CACNA1H: variants seen among roughly 807,000 people sequenced by gnomAD.
CACNA1H encodes calcium voltage-gated channel subunit alpha1 H, also known as voltage-dependent T-type calcium channel subunit alpha-1H.
CACNA1H carries 149 observed loss-of-function variants against 192.5 expected under a neutral mutation model. That is an observed-to-expected ratio of 0.77 (90% CI 0.68 to 0.89). The LOEUF is 0.89. Among genes scored for constraint, CACNA1H ranks in the 40% least tolerant of loss-of-function variants. The probability of loss-of-function intolerance (pLI) is 0.00; values close to 1 mark genes in which losing one functional copy is unlikely to be tolerated. For synonymous variants in CACNA1H, 2,202 were observed against 1,475.2 expected (o/e 1.49, Z -11.29); for missense variants, 4,257 against 3,423.5 (o/e 1.24, Z -6.08).
In CACNA1H at chr16:1,161,442, A is replaced by T. The variant is rs564741810; in HGVS notation, c.299+7406A>T. On this transcript the variant is annotated intron_variant, in intron 2 of 34. Coordinates refer to ENST00000348261, the MANE Select transcript of CACNA1H (RefSeq NM_021098.3). The stretch of plus-strand genomic sequence containing the variant: ...CTCTGGGCCCCTCACTGGCCTGAGG[A>T]CTGAGGTGGGGATACCTTGAGGCCT... Among the ~76,000 whole-genome samples the T allele has an allele frequency of 1.4e-4, 21 of 152,190 alleles. No homozygotes were observed. The South Asian group carries it at 4.4e-3, about 32-fold the overall frequency.
chr16:1,204,803 G>A (rs1366814087), intron 10 of CACNA1H, among the ~76,000 whole-genome samples: 15 of 145,446 alleles, frequency 1.0e-4, no homozygotes, highest in Non-Finnish European at 2.1e-4. Context: ...GATCAGTGCC[G>A]GGGAGGGGTG....
At chr16:1,196,488 G>A (rs938493150) in intron 5 of CACNA1H, among the ~76,000 whole-genome samples, 1 of 152,142 alleles carries the variant, frequency 6.6e-6, no homozygotes, top group African/African-American at 2.4e-5. Flanking sequence ...CCTGACACCT[G>A]TCCTGAGGAC....
intron 30 of CACNA1H, among the ~76,000 whole-genome samples, chr16:1,215,914 G>A (rs1219257962): frequency 6.6e-6 from 1 of 152,148 alleles, no homozygotes; most frequent in East Asian, 1.9e-4. Context: ...GTGTGTGTGG[G>A]CACAGGAATA....
rs777976510 is a variant in CACNA1H at position 1,208,148 on chromosome 16, C to T, written c.3290C>T (p.Ala1097Val). Residue 1097 changes from alanine to valine, a missense_variant, in exon 16 of 35, where the codon GCC becomes GTC. By Grantham distance (64) the Ala-to-Val change is moderately conservative. Coordinates refer to ENST00000348261, the MANE Select transcript of CACNA1H (RefSeq NM_021098.3). ...AAGAGCTCACCATTCCTGGATGCAG[C>T]CCCCAGCCTCCCAGACTCTCGGCGT... is the stretch of plus-strand genomic sequence containing the variant. ...TPKSSPFLDAAPSLPDSRRGS... is the reference protein window; with the variant it reads ...TPKSSPFLDAVPSLPDSRRGS... 1.0e-5 allele frequency: 16 copies of T among 1,579,356 alleles called. No homozygotes were observed. The highest frequency in any genetic ancestry group is 1.4e-5 in the African/African-American group (1 of 73,894).
At chr16:1,165,803 C>G (rs1222272410) in intron 2 of CACNA1H, among the ~76,000 whole-genome samples, 1 of 152,230 alleles carries the variant, frequency 6.6e-6, no homozygotes, top group East Asian at 1.9e-4. Flanking sequence ...ATGAACCCAT[C>G]AGCCCATGGT....
At chr16:1,171,771 T>C (rs1326226486) in intron 2 of CACNA1H, among the ~76,000 whole-genome samples, 1 of 152,066 alleles carries the variant, frequency 6.6e-6, no homozygotes, top group African/African-American at 2.4e-5. Flanking sequence ...TCCACAACTT[T>C]GCCACCCTCT....
chr16:1,215,937 A>C (rs1293508210), intron 30 of CACNA1H, among the ~76,000 whole-genome samples: 2 of 152,066 alleles, frequency 1.3e-5, no homozygotes, highest in African/African-American at 4.8e-5. Context: ...CCCAGGATGC[A>C]GGCGTCGGCT....
At chr16:1,156,581 G>C (rs907737181) in intron 2 of CACNA1H, among the ~76,000 whole-genome samples, 5 of 152,136 alleles carry the variant, frequency 3.3e-5, no homozygotes, top group Non-Finnish European at 7.4e-5. Context: ...GTGTCCCGTA[G>C]CAAGAGGGTG....
chr16:1,200,990 G>C (rs1212799425), intron 8 of CACNA1H, among the ~76,000 whole-genome samples, 182 bp downstream of exon 8: 2 of 152,052 alleles, frequency 1.3e-5, no homozygotes, highest in Non-Finnish European at 2.9e-5. Flanking sequence ...AGAGGCCATG[G>C]CATCACCTAG....
At chr16:1,218,760 G>A (rs566914323) in intron 33 of CACNA1H, 109 bp downstream of exon 33, 2 of 1,220,410 alleles carry the variant, frequency 1.6e-6, no homozygotes, top group East Asian at 5.1e-5. Flanking sequence ...GCAAGAGGAA[G>A]GATGGGCGGG....
chr16:1,175,893 C>T (rs927221040), intron 2 of CACNA1H, among the ~76,000 whole-genome samples: 1 of 152,192 alleles, frequency 6.6e-6, no homozygotes, highest in Non-Finnish European at 1.5e-5. Context: ...GCTGCCATTC[C>T]TCCTGCCCGG....
At position 1,180,691 on chromosome 16, in the gene CACNA1H, G is replaced by C. The variant is rs1029831302; in HGVS notation, c.300-14281G>C. On this transcript the variant is annotated intron_variant, in intron 2 of 34. Coordinates refer to ENST00000348261, the MANE Select transcript of CACNA1H (RefSeq NM_021098.3). The surrounding 1 kb of genome is among the most constrained non-coding windows in gnomAD (Gnocchi z 4.4). ...GGCCTGGGCAGGGCGGGGCAGGGAGGGATGAGGTGCAGACTGGGGAGAGTG... is the reference window on the plus strand; with the variant it reads ...GGCCTGGGCAGGGCGGGGCAGGGAGCGATGAGGTGCAGACTGGGGAGAGTG... 3.3e-5 allele frequency among the ~76,000 whole-genome samples: 5 copies of C among 152,138 alleles called. No individual in the cohort carries two copies. Among genetic ancestry groups the C allele is most frequent in the African/African-American group, 1.2e-4 (5 of 41,440 alleles).
At chr16:1,158,555 T>A (rs964238562) in intron 2 of CACNA1H, among the ~76,000 whole-genome samples, 5 of 152,106 alleles carry the variant, frequency 3.3e-5, no homozygotes, top group African/African-American at 1.2e-4. Context: ...CGCCAGGAAG[T>A]GGGCGTGACG....
intron 2 of CACNA1H, among the ~76,000 whole-genome samples, chr16:1,171,947 C>T (rs907038091): frequency 1.3e-5 from 2 of 152,240 alleles, no homozygotes; most frequent in South Asian, 2.1e-4. Context: ...GCCAGGCGGG[C>T]GCCAGGACGG....
intron 9 of CACNA1H, among the ~76,000 whole-genome samples, chr16:1,203,177 G>A (rs527937570): frequency 1.3e-5 from 2 of 152,302 alleles, no homozygotes; most frequent in South Asian, 2.1e-4. Context: ...AGTGTCGGGC[G>A]CATGCTCCTA....
At chr16:1,210,014 A>G (rs1244377991) in intron 17 of CACNA1H, 21 bp from the exon 18 acceptor site, 26 of 1,538,386 alleles carry the variant, frequency 1.7e-5, no homozygotes, top group Non-Finnish European at 2.0e-5. Flanking sequence ...GGCTCTGAGA[A>G]GCCGCCGCCT....
Position 1,200,442 on chromosome 16 carries a change from G to A in CACNA1H, c.990G>A (p.Val330=). 1 of 1,611,112 alleles carries A rather than the reference G, an allele frequency of 6.2e-7. No individual in the cohort carries two copies. Among genetic ancestry groups the A allele is most frequent in the Non-Finnish European group, 8.5e-7 (1 of 1,179,558 alleles). Residue 330 remains valine (V), a synonymous_variant, in exon 7 of 35, where the codon GTG becomes GTA. Transcript: ENST00000348261. Reference sequence around the variant, plus strand: ...ACACGCAGCCGCAGGCCGAGGGGGTGGGCGCTGCACGCAACGCCTGCATCA... The same window carrying A: ...ACACGCAGCCGCAGGCCGAGGGGGTAGGCGCTGCACGCAACGCCTGCATCA... ...EAYTQPQAEG[V]GAARNACINW... is the part of the protein sequence containing the mutation.
intron 2 of CACNA1H, among the ~76,000 whole-genome samples, chr16:1,158,461 G>A (rs1962726522): frequency 6.6e-6 from 1 of 152,194 alleles, no homozygotes. Flanking sequence ...CAGGGTAGGG[G>A]TCTGCCGAGC....
At chr16:1,199,684 C>T (rs577236328) in intron 6 of CACNA1H, among the ~76,000 whole-genome samples, 62 of 150,244 alleles carry the variant, frequency 4.1e-4, no homozygotes, top group African/African-American at 1.4e-3. Context: ...CCGGGTTCTC[C>T]CCTCAATTCT....
Sources: gnomAD v4.1 joint callset for allele counts (sites outside exome capture counted in the v4.1 genomes callset) on GRCh38, gnomAD v4.1.1 for gene constraint, Gnocchi (gnomAD v3.1) non-coding constraint, MANE v1.5 for transcripts, NCBI Gene and HGNC (gene_info 2026-07-23, HGNC 2026-07-21) for gene names.